The following ADGRA3 variants were observed in gnomAD, a reference collection of about 807,000 sequenced individuals.
ADGRA3 encodes the protein adhesion G protein-coupled receptor A3.
In ADGRA3, 56 loss-of-function variants were observed where a neutral mutation model predicts 119.8. The ratio of observed to expected loss-of-function variants is 0.47; its 90% confidence interval spans 0.38 to 0.58. The LOEUF is 0.58. Among genes scored for constraint, ADGRA3 ranks in the 20% least tolerant of loss-of-function variants. ADGRA3 has a pLI of 0.00. For synonymous variants in ADGRA3, 607 were observed against 623.8 expected (o/e 0.97, Z 0.40); for missense variants, 1,516 against 1,649.0 (o/e 0.92, Z 1.40).
Position 22,387,968 on chromosome 4 carries a change from G to A in ADGRA3, c.3703C>T (p.Pro1235Ser), listed in dbSNP as rs1713913746. ...LAYRERQYNP[P>S]QQDSSDACST... is the part of the protein sequence containing the mutation. ...CAAGCATCGCTGCTGTCTTGCTGGG[G>A]TGGGTTGTACTGTCTCTCTCTGTAG... is the stretch of plus-strand genomic sequence containing the variant. Residue 1235 changes from proline to serine, a missense_variant, in exon 19 of 19, where the codon CCC (proline) becomes TCC (serine). By Grantham distance (74) the Pro-to-Ser change is moderately conservative. Around this residue, in one of 2 missense-constraint regions of ADGRA3, gnomAD observed 1,088 missense variants for 1,107.1 expected, o/e 0.98. Coordinates refer to ENST00000334304, the MANE Select transcript of ADGRA3 (RefSeq NM_145290.4). 1.9e-6 allele frequency: 3 copies of A among 1,614,140 alleles called. No homozygotes were observed.
chr4:22,514,147 T>A (rs2109194368), intron 1 of ADGRA3, among the ~76,000 whole-genome samples: 1 of 152,280 alleles, frequency 6.6e-6, no homozygotes, highest in Admixed American at 6.5e-5. Context: ...AACTGCATGA[T>A]GACTAATTTT....
chr4:22,414,197 A>G, intron 12 of ADGRA3: 1 of 209,498 alleles, frequency 4.8e-6, no homozygotes, highest in East Asian at 1.2e-4. Context: ...CAAATGTAGC[A>G]TATCATAAAT....
intron 10 of ADGRA3, among the ~76,000 whole-genome samples, chr4:22,425,827 G>C (rs944282834): frequency 6.6e-6 from 1 of 152,184 alleles, no homozygotes; most frequent in African/African-American, 2.4e-5. Flanking sequence ...AAAAAAGTCA[G>C]GCCTTTGGAA....
intron 3 of ADGRA3, 47 bp downstream of exon 3, chr4:22,461,690 A>G: frequency 3.1e-6 from 4 of 1,275,480 alleles, no homozygotes; most frequent in Non-Finnish European, 4.5e-6. Flanking sequence ...ACAGCTATTT[A>G]TATAAGCAAC....
rs538128627 is a variant in ADGRA3, at chr4:22,447,589, T to G, written c.474-78A>C. 85 of 833,570 alleles carry G rather than the reference T, an allele frequency of 1.0e-4. No homozygotes were observed. In the East Asian group the frequency reaches 2.2e-3, roughly 22 times the overall value. 51.6% of individuals were successfully genotyped at this position (833,570 alleles called of 1,614,324 possible). A position where few individuals can be genotyped will look rare whatever the true frequency, so the allele number is the denominator to read the frequency against. On this transcript the variant is annotated intron_variant, in intron 4 of 18. Coordinates refer to ENST00000334304, the MANE Select transcript of ADGRA3 (RefSeq NM_145290.4). ...ATCCTATTTCATATTTTCTAAAGCA[T>G]CCTACAGTCATTAAATAATGTTGTA...
intron 14 of ADGRA3, among the ~76,000 whole-genome samples, chr4:22,404,537 C>A (rs745863773): frequency 6.6e-6 from 1 of 152,202 alleles, no homozygotes; most frequent in South Asian, 2.1e-4. Flanking sequence ...CTCTAACTTA[C>A]AATTCACCCA....
chr4:22,480,384 T>C (rs761365918), intron 1 of ADGRA3, among the ~76,000 whole-genome samples: 19 of 152,152 alleles, frequency 1.2e-4, no homozygotes, highest in Non-Finnish European at 2.6e-4. Flanking sequence ...TATAAATCAG[T>C]ACAATCAGCT....
intron 12 of ADGRA3, among the ~76,000 whole-genome samples, chr4:22,417,677 A>G (rs1340646548): frequency 1.3e-5 from 2 of 152,112 alleles, no homozygotes; most frequent in Non-Finnish European, 2.9e-5. Flanking sequence ...TCGCTCCACC[A>G]CTGTATCACC....
At chr4:22,495,292 GGC>G (rs1718773000) in intron 1 of ADGRA3, among the ~76,000 whole-genome samples, 1 of 152,020 alleles carries the variant, frequency 6.6e-6, no homozygotes, top group Non-Finnish European at 1.5e-5. Flanking sequence ...TAAAACTTAT[GGC>G]TGCGCACAGT....
rs1713912081 is a variant in ADGRA3 at position 22,387,946 on chromosome 4, G to A, written c.3725C>T (p.Ala1242Val). The change falls in exon 19 of 19, where the codon GCT becomes GTT. Residue 1242 changes from alanine (A) to valine (V), a missense_variant. This residue lies in a region of ADGRA3 where 1,088 missense variants were observed against 1,107.1 expected (regional missense o/e 0.98). Transcript: ENST00000334304. Reference protein sequence around the residue: ...YNPPQQDSSDACSTLPKSSRN... With the variant: ...YNPPQQDSSDVCSTLPKSSRN... ...GCTACTTTTGGGAAGTGTGCTACAAGCATCGCTGCTGTCTTGCTGGGGTGG... is the reference window on the plus strand; with the variant it reads ...GCTACTTTTGGGAAGTGTGCTACAAACATCGCTGCTGTCTTGCTGGGGTGG... The A allele has an allele frequency of 6.2e-7, 1 of 1,614,168 alleles. No homozygotes were observed. Among genetic ancestry groups the A allele is most frequent in the Non-Finnish European group, 8.5e-7 (1 of 1,180,020 alleles).
chr4:22,492,955 G>T (rs1718683177), intron 1 of ADGRA3, among the ~76,000 whole-genome samples: 1 of 151,976 alleles, frequency 6.6e-6, no homozygotes, highest in African/African-American at 2.4e-5. Context: ...AGCTTTTTAA[G>T]CTGTTGATCT....
intron 2 of ADGRA3, among the ~76,000 whole-genome samples, chr4:22,469,375 GA>G (rs1204152128): frequency 4.6e-5 from 7 of 152,144 alleles, no homozygotes; most frequent in Non-Finnish European, 8.8e-5. Context: ...TTCTTCACTT[GA>G]AAAATGTCCA....
rs1472077416 is a variant in ADGRA3, at chr4:22,420,707, C to T, written c.1809+179G>A. ...ATCAAAGGCAAAAATGCCTAGGGCC[C>T]TTGAAAGTCGTAATGCAGTTCTTCC... On this transcript the variant is annotated intron_variant, in intron 12 of 18. Coordinates refer to ENST00000334304, the MANE Select transcript of ADGRA3 (RefSeq NM_145290.4). 3 of 621,396 alleles carry T rather than the reference C, an allele frequency of 4.8e-6. No homozygotes were observed. The African/African-American group carries it at 5.5e-5, about 11-fold the overall frequency. 38.5% of individuals were successfully genotyped at this position (621,396 alleles called of 1,614,324 possible). A position where few individuals can be genotyped will look rare whatever the true frequency, so the allele number is the denominator to read the frequency against.
intron 1 of ADGRA3, among the ~76,000 whole-genome samples, chr4:22,484,285 G>A (rs1223823673): frequency 6.6e-6 from 1 of 152,124 alleles, no homozygotes; most frequent in African/African-American, 2.4e-5. Context: ...TAATAGTCAT[G>A]TAAGTTTGAA....
intron 11 of ADGRA3, among the ~76,000 whole-genome samples, chr4:22,421,397 C>T (rs533602149): frequency 6.6e-6 from 1 of 152,016 alleles, no homozygotes; most frequent in South Asian, 2.1e-4. Flanking sequence ...TCGAAGGAAA[C>T]AACAAGCTAA....
intron 11 of ADGRA3, 72 bp from the exon 12 acceptor site, chr4:22,421,161 C>T: frequency 7.5e-7 from 1 of 1,325,184 alleles, no homozygotes. Context: ...AAAGACTTTT[C>T]AAACACAAAA....
chr4:22,432,925 T>C (rs1167068393), intron 10 of ADGRA3, among the ~76,000 whole-genome samples: 4 of 152,212 alleles, frequency 2.6e-5, no homozygotes, highest in Non-Finnish European at 5.9e-5. Context: ...TTTAATTAAT[T>C]ATTTCTCTAT....
rs1405355774 is a variant in ADGRA3 at position 22,419,516 on chromosome 4, A to T, written c.1809+1370T>A. On this transcript the variant is annotated intron_variant, in intron 12 of 18. Transcript: ENST00000334304. ...AAAAGGATAGAATGGCATGAAATTG[A>T]CAAATCTGAGTGTCCATCTAAAGCC... Among the ~76,000 whole-genome samples the T allele has an allele frequency of 2.6e-5, 4 of 152,158 alleles. No individual in the cohort carries two copies. The East Asian group carries it at 7.7e-4, about 29-fold the overall frequency.
intron 3 of ADGRA3, among the ~76,000 whole-genome samples, chr4:22,456,045 G>A (rs1218051018): frequency 1.3e-5 from 2 of 152,014 alleles, no homozygotes; most frequent in East Asian, 1.9e-4. Context: ...CGCATTCTTC[G>A]AGTTACTCTT....
Sources: allele counts gnomAD v4.1 joint callset (sites outside exome capture counted in the v4.1 genomes callset), GRCh38; gene constraint gnomAD v4.1.1; regional missense constraint gnomAD v4.1.1; transcripts MANE v1.5; gene names NCBI Gene and HGNC (gene_info 2026-07-23, HGNC 2026-07-21).